The following TG variants were observed in gnomAD, a reference collection of about 807,000 sequenced individuals.
TG encodes the protein thyroglobulin, also known as thyroid hormones.
A neutral mutation model predicts 324.7 loss-of-function variants in TG; 270 were observed. The observed-to-expected ratio is 0.83, with a 90% CI of 0.75 to 0.92. The LOEUF is 0.92. Ranked by LOEUF, TG falls within the 40% of genes least tolerant of loss-of-function variation. The probability of loss-of-function intolerance (pLI) is 0.00; values close to 1 mark genes in which losing one functional copy is unlikely to be tolerated. For synonymous variants in TG, 1,401 were observed against 1,327.0 expected, an observed-to-expected ratio of 1.06 and a Z score of -1.21; for missense variants, 3,591 against 3,456.4, an observed-to-expected ratio of 1.04 and a Z score of -0.98.
At chr8:132,930,076 C>T (rs1399589726) in intron 23 of TG, among the ~76,000 whole-genome samples, 1 of 152,166 alleles carries the variant, frequency 6.6e-6, no homozygotes, top group Non-Finnish European at 1.5e-5. Flanking sequence ...TCAGTACCCA[C>T]ATGTGATGTA....
intron 41 of TG, chr8:133,050,787 A>T: frequency 7.2e-7 from 1 of 1,396,938 alleles, no homozygotes; most frequent in Non-Finnish European, 1.0e-6. Flanking sequence ...TGCTTTGAAG[A>T]TTGCACAAGT....
At chr8:133,083,333 A>G (rs1846029527) in intron 41 of TG, among the ~76,000 whole-genome samples, 1 of 152,186 alleles carries the variant, frequency 6.6e-6, no homozygotes, top group East Asian at 1.9e-4. Flanking sequence ...TGCTACCACT[A>G]TTTATTGTAA....
At chr8:132,964,869 G>T in intron 29 of TG, 1 of 701,392 alleles carries the variant, frequency 1.4e-6, no homozygotes, top group South Asian at 1.5e-5. Context: ...AGGAATGCTA[G>T]CAGCCTGCAG....
intron 23 of TG, among the ~76,000 whole-genome samples, chr8:132,929,691 C>G (rs1004661645): frequency 6.6e-6 from 1 of 152,160 alleles, no homozygotes; most frequent in Non-Finnish European, 1.5e-5. Context: ...AATTCAAACC[C>G]AAAGTAACAA....
At chr8:132,968,371 G>A (rs1281340256) in intron 31 of TG, among the ~76,000 whole-genome samples, 1 of 152,138 alleles carries the variant, frequency 6.6e-6, no homozygotes, top group African/African-American at 2.4e-5. Flanking sequence ...TCCTAAGACA[G>A]CCACCTTTAA....
intron 2 of TG, among the ~76,000 whole-genome samples, chr8:132,868,523 C>T (rs1286076134): frequency 7.2e-5 from 11 of 152,198 alleles, no homozygotes; most frequent in Non-Finnish European, 8.8e-5. Context: ...CTTGAATAAA[C>T]GGCACGTGTG....
intron 20 of TG, among the ~76,000 whole-genome samples, chr8:132,918,880 G>C (rs551046132): frequency 6.6e-6 from 1 of 152,212 alleles, no homozygotes; most frequent in African/African-American, 2.4e-5. Context: ...ATGCATGGAC[G>C]TCTGAGGCTC....
chr8:133,134,393 GAA>G (rs1454740378), intron 47 of TG, among the ~76,000 whole-genome samples: 1 of 152,160 alleles, frequency 6.6e-6, no homozygotes, highest in African/African-American at 2.4e-5. Flanking sequence ...GTTAAACAGG[GAA>G]GGGATCTTGT....
chr8:132,980,377 C>T (rs1464602487), intron 34 of TG, among the ~76,000 whole-genome samples: 4 of 152,094 alleles, frequency 2.6e-5, no homozygotes, highest in African/African-American at 7.2e-5. Flanking sequence ...CCCTCAACAA[C>T]CAGGTTTGGA....
intron 41 of TG, among the ~76,000 whole-genome samples, chr8:133,061,716 C>T (rs533800412): frequency 6.6e-6 from 1 of 152,294 alleles, no homozygotes; most frequent in South Asian, 2.1e-4. Flanking sequence ...AGCTCAGGAT[C>T]AAACCTTATG....
chr8:133,060,132 G>A (rs768563090), intron 41 of TG: 15 of 1,610,572 alleles, frequency 9.3e-6, no homozygotes, highest in South Asian at 2.2e-5. Context: ...CTCGGCAGGC[G>A]CAGGGGTGGA....
intron 17 of TG, 109 bp from the exon 18 acceptor site, chr8:132,908,069 AGTGCTTAT>A: frequency 8.7e-7 from 1 of 1,149,082 alleles, no homozygotes; most frequent in Non-Finnish European, 1.3e-6. Context: ...GCAAAATGGC[AGTGCTTAT>A]GTGTTTTGAG....
intron 24 of TG, among the ~76,000 whole-genome samples, chr8:132,934,286 G>A (rs1401085259): frequency 6.6e-6 from 1 of 152,092 alleles, no homozygotes; most frequent in East Asian, 1.9e-4. Context: ...AGTGAGCTGA[G>A]ATCACGCCAC....
chr8:132,878,274 A>G (rs889040028), intron 5 of TG, among the ~76,000 whole-genome samples: 1 of 152,166 alleles, frequency 6.6e-6, no homozygotes, highest in Non-Finnish European at 1.5e-5. Flanking sequence ...TGACTTGACA[A>G]TGTCCTGCTG....
At chr8:132,912,924 C>T (rs1819737614) in intron 19 of TG, 123 bp from the exon 20 acceptor site, 1 of 935,456 alleles carries the variant, frequency 1.1e-6, no homozygotes, top group East Asian at 2.6e-5. Flanking sequence ...TAAAATGAGA[C>T]ACCACATGAT....
chr8:133,063,589 T>C (rs2703011), intron 41 of TG: 114,263 of 151,930 alleles, frequency 0.75, 43,870 homozygotes, highest in African/African-American at 0.89. Flanking sequence ...CCCAGGGTCA[T>C]GAGATGAGAA....
In TG at chr8:132,888,195, T is replaced by C. The variant is rs757297071; in HGVS notation, c.2388T>C (p.Asp796=). 2 of 1,614,220 alleles carry C rather than the reference T, an allele frequency of 1.2e-6. No individual in the cohort carries two copies. Among genetic ancestry groups the C allele is most frequent in the Admixed American group, 1.7e-5 (1 of 60,028 alleles). The change falls in exon 10 of 48, where the codon GAT becomes GAC. Residue 796 remains aspartate (D), a synonymous_variant. Coordinates refer to ENST00000220616, the MANE Select transcript of TG (RefSeq NM_003235.5). ...QRWEAQNKGQ[D]LTPAKLLVKI... ...GGGAGGCTCAGAACAAGGGCCAGGATCTGACGCCTGCCAAGCTGCTAGTGA... is the reference window on the plus strand; with the variant it reads ...GGGAGGCTCAGAACAAGGGCCAGGACCTGACGCCTGCCAAGCTGCTAGTGA...
intron 35 of TG, chr8:132,994,814 G>A: frequency 7.8e-7 from 1 of 1,286,416 alleles, no homozygotes; most frequent in South Asian, 1.2e-5. Flanking sequence ...GGTGAGATGG[G>A]GAAAGAGGAG....
At chr8:133,096,127 A>C in intron 42 of TG, 79 bp from the exon 43 acceptor site, 1 of 1,545,206 alleles carries the variant, frequency 6.5e-7, no homozygotes, top group Non-Finnish European at 8.9e-7. Flanking sequence ...ATTGGCATTC[A>C]GTATGGTTAA....
Sources: allele counts gnomAD v4.1 joint callset (sites outside exome capture counted in the v4.1 genomes callset), GRCh38; gene constraint gnomAD v4.1.1; transcripts MANE v1.5; gene names NCBI Gene and HGNC (gene_info 2026-07-23, HGNC 2026-07-21).